Variants in GK5 observed in about 807,000 individuals in gnomAD.
GK5 encodes glycerol kinase 5.
Under a neutral mutation model 77.3 loss-of-function variants are expected in GK5, and 39 were observed. The observed-to-expected ratio is 0.50, with a 90% CI of 0.39 to 0.66. The LOEUF is 0.66. GK5 is among the 30% of genes least tolerant of loss of function. GK5 has a pLI of 0.00. For synonymous variants in GK5, 211 were observed against 208.0 expected (o/e 1.01, Z -0.13); for missense variants, 487 against 633.8 (o/e 0.77, Z 2.49).
chr3:142,199,248 AG>A lies in GK5; in HGVS notation c.412-316del, dbSNP rs1314950089. On this transcript the variant is annotated intron_variant, in intron 4 of 15. Transcript: ENST00000392993. ...ACCTATTTTTAACTATGATAGTTAA[AG>A]GAGAGAATCTAGGAAGGAGGCTATA... is the stretch of plus-strand genomic sequence containing the variant. 2.0e-5 allele frequency among the ~76,000 whole-genome samples: 3 copies of A among 152,264 alleles called. No homozygotes were observed. The East Asian group carries it at 5.8e-4, about 29-fold the overall frequency.
chr3:142,193,372 C>T (rs991506042), intron 5 of GK5, among the ~76,000 whole-genome samples: 1 of 151,498 alleles, frequency 6.6e-6, no homozygotes, highest in Non-Finnish European at 1.5e-5. Flanking sequence ...ATTAAAGCCA[C>T]AATGAAATTG....
intron 1 of GK5, among the ~76,000 whole-genome samples, chr3:142,219,232 T>C (rs2064311949): frequency 6.6e-6 from 1 of 152,202 alleles, no homozygotes; most frequent in African/African-American, 2.4e-5. Flanking sequence ...TATAAGGTTG[T>C]ACACAGGACT....
chr3:142,209,964 A>G (rs1174813001), intron 3 of GK5, among the ~76,000 whole-genome samples: 2 of 140,424 alleles, frequency 1.4e-5, no homozygotes, highest in African/African-American at 5.4e-5. Flanking sequence ...TTTTTTTTTT[A>G]GAACAAAAGG....
intron 5 of GK5, among the ~76,000 whole-genome samples, chr3:142,194,526 GA>G (rs1422654922): frequency 3.0e-3 from 389 of 129,470 alleles, no homozygotes; most frequent in Admixed American, 4.0e-3. Flanking sequence ...ACTCCATCTC[GA>G]AAAAAAAAAA....
At chr3:142,209,788 C>T (rs2064167524) in intron 3 of GK5, among the ~76,000 whole-genome samples, 2 of 152,056 alleles carry the variant, frequency 1.3e-5, no homozygotes, top group Non-Finnish European at 2.9e-5. Context: ...CAGTGCAGCC[C>T]CCAGCACGGT....
chr3:142,185,802 GAA>G, intron 9 of GK5, 125 bp downstream of exon 9: 1 of 1,518,412 alleles, frequency 6.6e-7, no homozygotes, highest in Non-Finnish European at 8.9e-7. Context: ...AACTTAAAAA[GAA>G]AAAAAAATAC....
At chr3:142,170,151 T>C (rs1164376756) in intron 15 of GK5, 174 bp downstream of exon 15, 4 of 741,530 alleles carry the variant, frequency 5.4e-6, no homozygotes, top group Non-Finnish European at 9.8e-6. Flanking sequence ...GCAACCAGAC[T>C]CACCAACAGA....
rs368604839 is a variant in GK5 at position 142,164,280 on chromosome 3, T to G, written c.*1342A>C. The G allele has an allele frequency of 2.0e-5, 3 of 152,166 alleles. No homozygotes were observed. Among genetic ancestry groups the G allele is most frequent in the East Asian group, 3.8e-4 (2 of 5,196 alleles). The allele number at this position is 152,166 out of a possible 1,614,324, so 9.4% of individuals were successfully genotyped here. On this transcript the variant is annotated 3_prime_UTR_variant, in exon 16 of 16. Transcript: ENST00000392993. Reference sequence around the variant, plus strand: ...TACATTACTATGTAACTAAAATAGCTAGTTCTATAATAAAAGGATTTTATG... The same window carrying G: ...TACATTACTATGTAACTAAAATAGCGAGTTCTATAATAAAAGGATTTTATG...
intron 5 of GK5, among the ~76,000 whole-genome samples, chr3:142,192,850 C>G (rs1460938323): frequency 6.6e-6 from 1 of 151,390 alleles, no homozygotes; most frequent in Non-Finnish European, 1.5e-5. Context: ...AATGAGCTAA[C>G]AAGGCACAAA....
chr3:142,163,283 T>C lies in GK5; in HGVS notation c.*2339A>G, dbSNP rs1038767346. Reference sequence around the variant, plus strand: ...TATCTGAAAAGTATTGATCCTTTTTTTTTTTTTTTGAGACGCAGTGTCGCT... The same window carrying C: ...TATCTGAAAAGTATTGATCCTTTTTCTTTTTTTTTGAGACGCAGTGTCGCT... On this transcript the variant is annotated 3_prime_UTR_variant, in exon 16 of 16. Coordinates refer to ENST00000392993, the MANE Select transcript of GK5 (RefSeq NM_001039547.3). 1.3e-5 allele frequency: 2 copies of C among 151,718 alleles called. No homozygotes were observed. The highest frequency in any genetic ancestry group is 2.4e-5 in the African/African-American group (1 of 41,328). The allele number at this position is 151,718 out of a possible 1,614,324, so 9.4% of individuals were successfully genotyped here. A position where few individuals can be genotyped will look rare whatever the true frequency, so the allele number is the denominator to read the frequency against.
At chr3:142,178,446 C>T (rs989694804) in intron 11 of GK5, among the ~76,000 whole-genome samples, 1 of 152,014 alleles carries the variant, frequency 6.6e-6, no homozygotes, top group African/African-American at 2.4e-5. Flanking sequence ...ATATACAGAC[C>T]AGAAAAATGC....
intron 11 of GK5, among the ~76,000 whole-genome samples, chr3:142,180,642 TTC>T (rs370832833): frequency 1.1e-4 from 17 of 150,830 alleles, no homozygotes; most frequent in East Asian, 1.9e-4. Flanking sequence ...CCTTCTTTCC[TTC>T]TCTCTCTCTC....
intron 5 of GK5, among the ~76,000 whole-genome samples, chr3:142,191,324 G>A (rs1002318813): frequency 1.7e-4 from 26 of 151,260 alleles, no homozygotes; most frequent in African/African-American, 4.9e-4. Context: ...CACTGCGCCC[G>A]GCAAGAAGTA....
In GK5 at chr3:142,209,008, G is replaced by A. The variant is rs1339279648; in HGVS notation, c.318-4220C>T. ...ACTAAAAATACAAAAAATTAGCCGA[G>A]CGCGGTGGCGGGCACCTGTAGTCCC... is the stretch of plus-strand genomic sequence containing the variant. On this transcript the variant is annotated intron_variant, in intron 3 of 15. Transcript: ENST00000392993. 9.9e-5 allele frequency among the ~76,000 whole-genome samples: 15 copies of A among 152,238 alleles called. No individual in the cohort carries two copies. The East Asian group carries it at 2.9e-3, about 29-fold the overall frequency.
At chr3:142,200,446 G>A (rs2064003458) in intron 4 of GK5, among the ~76,000 whole-genome samples, 1 of 152,154 alleles carries the variant, frequency 6.6e-6, no homozygotes, top group Admixed American at 6.5e-5. Flanking sequence ...GGGATTACAG[G>A]CGTGAACCAC....
At chr3:142,176,279 A>G (rs796776751) in intron 12 of GK5, among the ~76,000 whole-genome samples, 8 of 152,250 alleles carry the variant, frequency 5.3e-5, no homozygotes, top group African/African-American at 1.9e-4. Context: ...CAGCTTCTAT[A>G]TTATAAACCC....
intron 3 of GK5, among the ~76,000 whole-genome samples, chr3:142,208,945 C>A (rs762169725): frequency 2.6e-5 from 4 of 152,130 alleles, no homozygotes; most frequent in Non-Finnish European, 5.9e-5. Context: ...GTCAGGAAAT[C>A]GAGACCATCC....
chr3:142,213,707 C>A, intron 2 of GK5, 106 bp from the exon 3 acceptor site: 1 of 704,094 alleles, frequency 1.4e-6, no homozygotes, highest in Non-Finnish European at 2.4e-6. Flanking sequence ...AAGAAAAATA[C>A]CTGGGTTTAG....
intron 5 of GK5, 114 bp downstream of exon 5, chr3:142,198,688 T>C (rs1441483927): frequency 2.6e-5 from 24 of 939,286 alleles, no homozygotes; most frequent in Non-Finnish European, 3.7e-5. Flanking sequence ...ACACTTAATT[T>C]TCCCTCAAAT....
Sources: allele counts gnomAD v4.1 joint callset (sites outside exome capture counted in the v4.1 genomes callset), GRCh38; gene constraint gnomAD v4.1.1; transcripts MANE v1.5; gene names NCBI Gene and HGNC (gene_info 2026-07-23, HGNC 2026-07-21).